MGAT5: variants seen among roughly 807,000 people sequenced by gnomAD.
MGAT5 encodes the protein alpha-1,6-mannosylglycoprotein 6-beta-N-acetylglucosaminyltransferase.
Under a neutral mutation model 94.3 loss-of-function variants are expected in MGAT5, and 30 were observed. The observed-to-expected ratio is 0.32, with a 90% CI of 0.24 to 0.43. The LOEUF is 0.43. MGAT5 is among the 20% of genes least tolerant of loss of function. The pLI is 1.00. For synonymous variants in MGAT5, 310 were observed against 322.9 expected (o/e 0.96, Z 0.43); for missense variants, 691 against 905.5 (o/e 0.76, Z 3.04).
chr2:134,129,713 C>T (rs1573708657), intron 1 of MGAT5, among the ~76,000 whole-genome samples: 1 of 150,052 alleles, frequency 6.7e-6, no homozygotes, highest in Admixed American at 6.6e-5. Context: ...CTTGTTCTGG[C>T]TGAGCTGAGT....
intron 5 of MGAT5, 143 bp downstream of exon 5, chr2:134,336,431 C>CT (rs766206591): frequency 1.5e-6 from 1 of 661,144 alleles, no homozygotes; most frequent in East Asian, 2.8e-5. Context: ...CTGTGGAAGT[C>CT]TAAGTGACTA....
intron 1 of MGAT5, among the ~76,000 whole-genome samples, chr2:134,245,052 G>A (rs1281316074): frequency 3.3e-5 from 5 of 152,130 alleles, no homozygotes; most frequent in Non-Finnish European, 5.9e-5. Context: ...TTGCTCTGTC[G>A]CCTAGGCTGG....
chr2:134,145,971 GT>G (rs1216123658), intron 1 of MGAT5, among the ~76,000 whole-genome samples: 1 of 152,148 alleles, frequency 6.6e-6, no homozygotes, highest in East Asian at 1.9e-4. Context: ...CTGTTAGACT[GT>G]TTTTTAAGGT....
At chr2:134,350,476 G>A (rs1353167793) in intron 9 of MGAT5, among the ~76,000 whole-genome samples, 1 of 152,030 alleles carries the variant, frequency 6.6e-6, no homozygotes, top group Non-Finnish European at 1.5e-5. Context: ...TTCTCTTGCT[G>A]ACTTGGTATC....
intron 1 of MGAT5, among the ~76,000 whole-genome samples, chr2:134,227,624 C>G (rs922325241): frequency 7.9e-5 from 12 of 152,182 alleles, no homozygotes; most frequent in Non-Finnish European, 8.8e-5. Flanking sequence ...ATCTACTTAC[C>G]TTTGAATTGC....
At chr2:134,250,599 T>C (rs949744484), upstream of MGAT5, among the ~76,000 whole-genome samples, 2 of 152,230 alleles carry the variant, frequency 1.3e-5, no homozygotes, top group Non-Finnish European at 2.9e-5. Context: ...GTCATCTTAA[T>C]AGGAATTGTA....
At chr2:134,169,167 C>T (rs1045138251) in intron 1 of MGAT5, among the ~76,000 whole-genome samples, 12 of 152,128 alleles carry the variant, frequency 7.9e-5, no homozygotes, top group African/African-American at 2.7e-4. Flanking sequence ...AAGAATGTAT[C>T]AAGTAGGTTA....
intron 15 of MGAT5, 104 bp from the exon 16 acceptor site, chr2:134,448,545 C>A: frequency 2.9e-6 from 3 of 1,048,134 alleles, no homozygotes; most frequent in Non-Finnish European, 4.4e-6. Context: ...GACAAGACAA[C>A]TGAACATCCC....
intron 1 of MGAT5, among the ~76,000 whole-genome samples, chr2:134,135,230 A>G (rs1686349595): frequency 6.6e-6 from 1 of 152,178 alleles, no homozygotes; most frequent in African/African-American, 2.4e-5. Context: ...TTATCTGAGC[A>G]TTTGGTTCAG....
chr2:134,379,663 C>T (rs1033930026), intron 10 of MGAT5, among the ~76,000 whole-genome samples: 1 of 152,150 alleles, frequency 6.6e-6, no homozygotes, highest in Non-Finnish European at 1.5e-5. Context: ...GGGCAGGCAC[C>T]CAGTGGTCTT....
At chr2:134,222,940 A>C (rs995815901) in intron 1 of MGAT5, among the ~76,000 whole-genome samples, 7 of 152,280 alleles carry the variant, frequency 4.6e-5, no homozygotes, top group African/African-American at 1.4e-4. Context: ...GACTTACAGC[A>C]ATTAGCTATA....
intron 1 of MGAT5, among the ~76,000 whole-genome samples, chr2:134,217,813 G>A (rs1294717318): frequency 6.6e-6 from 1 of 152,116 alleles, no homozygotes; most frequent in Non-Finnish European, 1.5e-5. Context: ...GAGTCCCTGA[G>A]GGCAGAAGAC....
intron 1 of MGAT5, among the ~76,000 whole-genome samples, chr2:134,189,675 C>T (rs1303422835): frequency 7.1e-6 from 1 of 140,170 alleles, no homozygotes; most frequent in Non-Finnish European, 1.5e-5. Flanking sequence ...GATCTTGGCT[C>T]ACTGCAACCT....
intron 4 of MGAT5, among the ~76,000 whole-genome samples, chr2:134,332,109 A>G (rs1688010049): frequency 6.6e-6 from 1 of 152,146 alleles, no homozygotes; most frequent in South Asian, 2.1e-4. Flanking sequence ...TATGGAACCA[A>G]AAAAGAGCCT....
At chr2:134,363,588 C>T (rs1277820706) in intron 10 of MGAT5, among the ~76,000 whole-genome samples, 1 of 152,174 alleles carries the variant, frequency 6.6e-6, no homozygotes. Flanking sequence ...GATGTCTGGT[C>T]AGTGGTGCTA....
intron 4 of MGAT5, among the ~76,000 whole-genome samples, chr2:134,326,568 C>T (rs1442374827): frequency 1.3e-5 from 2 of 152,022 alleles, no homozygotes; most frequent in Non-Finnish European, 2.9e-5. Flanking sequence ...AGAAATAATG[C>T]TTAGGGGCCA....
chr2:134,303,611 G>A (rs1686160668), intron 2 of MGAT5, among the ~76,000 whole-genome samples: 1 of 152,048 alleles, frequency 6.6e-6, no homozygotes, highest in Non-Finnish European at 1.5e-5. Flanking sequence ...TGACTTTTTG[G>A]GGTTTAAACT....
intron 1 of MGAT5, among the ~76,000 whole-genome samples, chr2:134,177,956 C>T (rs1022208814): frequency 1.1e-4 from 17 of 152,048 alleles, no homozygotes; most frequent in African/African-American, 3.6e-4. Flanking sequence ...CAATTGGTAG[C>T]CCATGATGAA....
chr2:134,178,561 G>A (rs1688588060), intron 1 of MGAT5, among the ~76,000 whole-genome samples: 1 of 152,210 alleles, frequency 6.6e-6, no homozygotes, highest in Non-Finnish European at 1.5e-5. Flanking sequence ...TGGCAAGGGA[G>A]CTTGGGAAAT....
Sources: allele counts gnomAD v4.1 joint callset (sites outside exome capture counted in the v4.1 genomes callset), GRCh38; gene constraint gnomAD v4.1.1; transcripts MANE v1.5; gene names NCBI Gene and HGNC (gene_info 2026-07-23, HGNC 2026-07-21).